Variants in ABCC2 observed in about 807,000 individuals in gnomAD.
ABCC2 encodes the protein ATP-binding cassette sub-family C member 2.
A neutral mutation model predicts 173.4 loss-of-function variants in ABCC2; 157 were observed. The ratio of observed to expected loss-of-function variants is 0.91; its 90% confidence interval spans 0.80 to 1.03. The LOEUF (loss-of-function observed/expected upper bound fraction) is 1.03. ABCC2 is among the 50% of genes least tolerant of loss of function. The pLI is 0.00. For synonymous variants in ABCC2, 657 were observed against 693.5 expected (o/e 0.95, Z 0.83); for missense variants, 1,822 against 1,852.3 (o/e 0.98, Z 0.30).
chr10:99,792,495 G>A (rs1009703695), intron 3 of ABCC2, 136 bp downstream of exon 3: 2 of 1,367,108 alleles, frequency 1.5e-6, no homozygotes, highest in Non-Finnish European at 2.0e-6. Flanking sequence ...GGCAAAGCTT[G>A]GTTGGAATGG....
intron 12 of ABCC2, 102 bp downstream of exon 12, chr10:99,807,623 C>T: frequency 7.2e-6 from 11 of 1,533,978 alleles, no homozygotes; most frequent in Non-Finnish European, 9.9e-6. Context: ...ATCTCTAGGC[C>T]TGACCGCAAG....
In ABCC2 at chr10:99,807,496, T is replaced by C. The variant is rs1481479853; in HGVS notation, c.1643T>C (p.Phe548Ser). The change falls in exon 12 of 32, where the codon TTC becomes TCC. Residue 548 changes from phenylalanine to serine, a missense_variant. Transcript: ENST00000647814. Reference sequence around the variant, plus strand: ...AGTCAACTACAGTGTGTAGTAATATTCGTCTTCCAGTTAACTCCAGTCCTG... The same window carrying C: ...AGTCAACTACAGTGTGTAGTAATATCCGTCTTCCAGTTAACTCCAGTCCTG... The part of the protein sequence containing the change: ...AFSQLQCVVI[F>S]VFQLTPVLVS... 1.2e-6 allele frequency: 2 copies of C among 1,614,132 alleles called. No homozygotes were observed. Among genetic ancestry groups the C allele is most frequent in the Non-Finnish European group, 8.5e-7 (1 of 1,179,994 alleles).
intron 21 of ABCC2, among the ~76,000 whole-genome samples, chr10:99,831,218 T>C (rs1040109556): frequency 6.6e-6 from 1 of 152,138 alleles, no homozygotes; most frequent in Non-Finnish European, 1.5e-5. Flanking sequence ...CTCTGATTTT[T>C]TGTTTGTGTG....
At chr10:99,811,498 G>T (rs2038212872) in intron 14 of ABCC2, 38 bp from the exon 15 acceptor site, 3 of 1,606,206 alleles carry the variant, frequency 1.9e-6, no homozygotes, top group Admixed American at 1.7e-5. Flanking sequence ...GTCACGTGGG[G>T]ACCTACATTG....
intron 30 of ABCC2, among the ~76,000 whole-genome samples, chr10:99,848,107 T>C (rs2039043546): frequency 6.6e-6 from 1 of 152,108 alleles, no homozygotes; most frequent in Non-Finnish European, 1.5e-5. Context: ...AGACTGGACA[T>C]AGGGAGTTTT....
At chr10:99,835,318 A>G (rs1329810137) in intron 24 of ABCC2, among the ~76,000 whole-genome samples, 1 of 152,150 alleles carries the variant, frequency 6.6e-6, no homozygotes, top group East Asian at 1.9e-4. Context: ...CGGCCTTTTA[A>G]CTATTAATAA....
At chr10:99,831,110 G>C (rs2038730801) in intron 21 of ABCC2, among the ~76,000 whole-genome samples, 1 of 152,174 alleles carries the variant, frequency 6.6e-6, no homozygotes, top group Non-Finnish European at 1.5e-5. Context: ...CTGATGTGTG[G>C]AGGAACAGGA....
At chr10:99,813,888 A>G (rs2038260638) in intron 16 of ABCC2, among the ~76,000 whole-genome samples, 3 of 151,888 alleles carry the variant, frequency 2.0e-5, no homozygotes, top group African/African-American at 7.3e-5. Flanking sequence ...ACCAACCATA[A>G]CAGTAATATC....
chr10:99,849,546 A>T (rs2039061084), intron 30 of ABCC2, among the ~76,000 whole-genome samples: 1 of 152,158 alleles, frequency 6.6e-6, no homozygotes, highest in South Asian at 2.1e-4. Context: ...TAAAACTTAC[A>T]TTTCTCTGTT....
intron 16 of ABCC2, among the ~76,000 whole-genome samples, chr10:99,814,081 G>C (rs561891504): frequency 7.2e-6 from 1 of 139,030 alleles, no homozygotes; most frequent in South Asian, 2.3e-4. Context: ...ATATGTGTAT[G>C]TGTATATACA....
intron 2 of ABCC2, among the ~76,000 whole-genome samples, chr10:99,787,874 C>A (rs2037744187): frequency 6.6e-6 from 1 of 151,880 alleles, no homozygotes; most frequent in African/African-American, 2.4e-5. Flanking sequence ...ACCAGCCTGG[C>A]CAACTTGGTG....
rs1264066312 is a variant in ABCC2 at position 99,814,116 on chromosome 10, T to C, written c.2094+972T>C. On this transcript the variant is annotated intron_variant, in intron 16 of 31. Coordinates refer to ENST00000647814, the MANE Select transcript of ABCC2 (RefSeq NM_000392.5). ...ACATATATATACACACATATGTGTA[T>C]ATACACACATATGTGTGTATATATA... 2.0e-4 allele frequency among the ~76,000 whole-genome samples: 28 copies of C among 140,940 alleles called. 6 individuals are homozygous for C. The highest frequency in any genetic ancestry group is 6.6e-4 in the African/African-American group (25 of 37,984). 92.5% of individuals were successfully genotyped at this position (140,940 alleles called of 152,430 possible). A position where few individuals can be genotyped will look rare whatever the true frequency, so the allele number is the denominator to read the frequency against.
At chr10:99,844,041 C>T in intron 27 of ABCC2, 141 bp downstream of exon 27, 2 of 833,984 alleles carry the variant, frequency 2.4e-6, no homozygotes, top group Non-Finnish European at 4.0e-6. Flanking sequence ...CTCAAAGGAC[C>T]TAATTTCTTC....
chr10:99,847,991 C>G (rs558892083), intron 30 of ABCC2, among the ~76,000 whole-genome samples: 3 of 152,294 alleles, frequency 2.0e-5, no homozygotes, highest in Admixed American at 1.3e-4. Flanking sequence ...ACAATGTGAG[C>G]TTACACATCC....
chr10:99,809,661 C>A (rs2038175127), intron 13 of ABCC2, among the ~76,000 whole-genome samples: 1 of 152,232 alleles, frequency 6.6e-6, no homozygotes, highest in South Asian at 2.1e-4. Flanking sequence ...CCAACACTTA[C>A]CTCACCTGCC....
At position 99,844,469 on chromosome 10, in the gene ABCC2, G is replaced by T; in HGVS notation, c.3987+4G>T. Reference sequence around the variant, plus strand: ...TGACATCGGTAGCATGGAGAAGGTAGGTGGAGTGAAGGAAGGCCTGGATGG... The same window carrying T: ...TGACATCGGTAGCATGGAGAAGGTATGTGGAGTGAAGGAAGGCCTGGATGG... On this transcript the variant is annotated splice_donor_region_variant and intron_variant, in intron 28 of 31. Transcript: ENST00000647814. The T allele has an allele frequency of 6.2e-7, 1 of 1,613,138 alleles. No individual in the cohort carries two copies.
chr10:99,835,767 T>C (rs1176745454), intron 24 of ABCC2, among the ~76,000 whole-genome samples: 3 of 152,118 alleles, frequency 2.0e-5, no homozygotes, highest in Non-Finnish European at 4.4e-5. Flanking sequence ...AACTGTCACA[T>C]GGATGATAGC....
At chr10:99,791,460 C>T (rs988039775) in intron 2 of ABCC2, among the ~76,000 whole-genome samples, 20 of 152,270 alleles carry the variant, frequency 1.3e-4, no homozygotes, top group African/African-American at 4.8e-4. Flanking sequence ...GCCTTTTAAA[C>T]CTAGTACTTT....
intron 6 of ABCC2, among the ~76,000 whole-genome samples, chr10:99,795,460 A>T (rs890845434): frequency 6.6e-6 from 1 of 152,114 alleles, no homozygotes; most frequent in African/African-American, 2.4e-5. Flanking sequence ...GCACTTTGGG[A>T]GGCTGAGGCG....
Sources: allele counts gnomAD v4.1 joint callset (sites outside exome capture counted in the v4.1 genomes callset), GRCh38; gene constraint gnomAD v4.1.1; transcripts MANE v1.5; gene names NCBI Gene and HGNC (gene_info 2026-07-23, HGNC 2026-07-21).